SPAST: variants seen among roughly 807,000 people sequenced by gnomAD.
SPAST encodes spastin.
Under a neutral mutation model 76.6 loss-of-function variants are expected in SPAST, and 30 were observed. The observed-to-expected ratio is 0.39, with a 90% CI of 0.29 to 0.53. SPAST has a LOEUF of 0.53. Ranked by LOEUF, SPAST falls within the 20% of genes least tolerant of loss-of-function variation. The pLI, the probability that SPAST is intolerant of heterozygous loss-of-function variation, is 0.68. For synonymous variants in SPAST, 305 were observed against 281.0 expected (o/e 1.09, Z -0.86); for missense variants, 717 against 770.5 (o/e 0.93, Z 0.82).
chr2:32,093,443 C>G (rs1020932087), intron 3 of SPAST, among the ~76,000 whole-genome samples: 37 of 152,098 alleles, frequency 2.4e-4, no homozygotes, highest in African/African-American at 8.5e-4. Flanking sequence ...GACCACACCA[C>G]TGCACTCTAG....
At chr2:32,123,300 A>G (rs1679080006) in intron 7 of SPAST, among the ~76,000 whole-genome samples, 1 of 152,154 alleles carries the variant, frequency 6.6e-6, no homozygotes, top group South Asian at 2.1e-4. Flanking sequence ...TAACACTAAT[A>G]AAATGAAATA....
intron 16 of SPAST, among the ~76,000 whole-genome samples, chr2:32,150,326 G>A (rs1246915512): frequency 6.8e-6 from 1 of 147,556 alleles, no homozygotes; most frequent in East Asian, 2.0e-4. Context: ...TCCTGACCTT[G>A]GGATCCGCCC....
chr2:32,083,677 T>A lies in SPAST; in HGVS notation c.416-3815T>A, dbSNP rs975941749. Among the ~76,000 whole-genome samples the A allele has an allele frequency of 8.4e-4, 113 of 134,446 alleles. 2 individuals are homozygous for A. The highest frequency in any genetic ancestry group is 3.0e-3 in the African/African-American group (111 of 36,640). The allele number at this position is 134,446 out of a possible 152,430, so 88.2% of individuals were successfully genotyped here. A position where few individuals can be genotyped will look rare whatever the true frequency, so the allele number is the denominator to read the frequency against. On this transcript the variant is annotated intron_variant, in intron 1 of 16. Transcript: ENST00000315285. ...CTACTATATATATATATATATATAT[T>A]TTTATGCTATATATAGAGTATATAT... is the stretch of plus-strand genomic sequence containing the variant.
intron 7 of SPAST, among the ~76,000 whole-genome samples, chr2:32,122,343 A>G (rs926874805): frequency 6.6e-6 from 1 of 151,994 alleles, no homozygotes; most frequent in African/African-American, 2.4e-5. Flanking sequence ...TTGTTTTGAG[A>G]CAGAGTCTCA....
chr2:32,139,951 A>C (rs1679663331), intron 12 of SPAST, among the ~76,000 whole-genome samples: 1 of 152,142 alleles, frequency 6.6e-6, no homozygotes, highest in South Asian at 2.1e-4. Flanking sequence ...AATAAATCAG[A>C]GGTGACACAA....
chr2:32,066,993 CCAAAAA>C (rs1558608360), intron 1 of SPAST, among the ~76,000 whole-genome samples: 5 of 41,674 alleles, frequency 1.2e-4, no homozygotes, highest in East Asian at 4.4e-3. Flanking sequence ...AAAAAAAAAA[CCAAAAA>C]AAAAAAAACT....
intron 1 of SPAST, among the ~76,000 whole-genome samples, chr2:32,078,211 C>T (rs376603398): frequency 1.2e-4 from 18 of 152,180 alleles, no homozygotes; most frequent in East Asian, 5.8e-4. Context: ...GGGATGGTCT[C>T]GATCTCCTGA....
At chr2:32,114,426 A>G (rs1678742023) in intron 4 of SPAST, among the ~76,000 whole-genome samples, 1 of 152,082 alleles carries the variant, frequency 6.6e-6, no homozygotes, top group Non-Finnish European at 1.5e-5. Context: ...AATTAGAATT[A>G]TACGTTAGGG....
At chr2:32,146,393 T>A (rs931190430) in intron 15 of SPAST, among the ~76,000 whole-genome samples, 5 of 151,392 alleles carry the variant, frequency 3.3e-5, no homozygotes, top group Non-Finnish European at 1.5e-5. Flanking sequence ...ATCCTGTCTC[T>A]ACAAAAAAAT....
chr2:32,080,783 CTTTTTTTTTT>C (rs1162817708), intron 1 of SPAST, among the ~76,000 whole-genome samples: 16 of 48,446 alleles, frequency 3.3e-4, no homozygotes, highest in African/African-American at 7.3e-4. Flanking sequence ...TGGCTCAGTT[CTTTTTTTTTT>C]TTTTTTTTTT....
rs570015975 is a variant in SPAST at position 32,118,868 on chromosome 2, T to C, written c.1098+2656T>C. Among the ~76,000 whole-genome samples the C allele has an allele frequency of 6.4e-4, 97 of 152,332 alleles. 2 individuals are homozygous for C. The South Asian group carries it at 0.02, about 31-fold the overall frequency. On this transcript the variant is annotated intron_variant, in intron 7 of 16. Coordinates refer to ENST00000315285, the MANE Select transcript of SPAST (RefSeq NM_014946.4). ...TATTTAGGCTATGCAAGAAAAGTCA[T>C]TCAGCTTTTGCTTTACCCAGGCCTA...
rs1680200524 is a variant in SPAST, at chr2:32,154,773, T to C, written c.*277T>C. The C allele has an allele frequency of 2.5e-6, 1 of 405,814 alleles. No homozygotes were observed. The highest frequency in any genetic ancestry group is 4.1e-5 in the Admixed American group (1 of 24,478). 25.1% of individuals were successfully genotyped at this position (405,814 alleles called of 1,614,324 possible). ...CAACAAAACCTGATTCTGGTCTTCTTTACCAATATAATCATAATGTAAATA... is the reference window on the plus strand; with the variant it reads ...CAACAAAACCTGATTCTGGTCTTCTCTACCAATATAATCATAATGTAAATA... On this transcript the variant is annotated 3_prime_UTR_variant, in exon 17 of 17. Coordinates refer to ENST00000315285, the MANE Select transcript of SPAST (RefSeq NM_014946.4).
intron 3 of SPAST, among the ~76,000 whole-genome samples, chr2:32,096,381 G>A (rs985370336): frequency 1.3e-5 from 2 of 152,232 alleles, no homozygotes; most frequent in Non-Finnish European, 2.9e-5. Flanking sequence ...GTTGCAATGA[G>A]CTGAGGTCGC....
At chr2:32,104,444 C>G (rs865878783) in intron 4 of SPAST, among the ~76,000 whole-genome samples, 2 of 152,164 alleles carry the variant, frequency 1.3e-5, no homozygotes, top group South Asian at 4.1e-4. Flanking sequence ...GCATTTAGCC[C>G]ATTTCCATTT....
chr2:32,115,008 G>A (rs1442694453), intron 5 of SPAST, among the ~76,000 whole-genome samples, 183 bp downstream of exon 5: 1 of 148,022 alleles, frequency 6.8e-6, no homozygotes, highest in African/African-American at 2.5e-5. Context: ...GAGTGCAATG[G>A]CGCGATCTCG....
chr2:32,147,620 T>G (rs983478365), intron 16 of SPAST, among the ~76,000 whole-genome samples: 1 of 117,622 alleles, frequency 8.5e-6, no homozygotes, highest in Admixed American at 8.3e-5. Flanking sequence ...TCTGGCTGTT[T>G]TGTTTGTTTG....
rs529288902 is a variant in SPAST at position 32,109,834 on chromosome 2, G to C, written c.683-4804G>C. ...CACACATACATATATAGTTACATAT[G>C]TATATGCATATACATATATAGTTAC... On this transcript the variant is annotated intron_variant, in intron 4 of 16. Transcript: ENST00000315285. Among the ~76,000 whole-genome samples the C allele has an allele frequency of 8.8e-5, 10 of 114,028 alleles. No homozygotes were observed. In the South Asian group the frequency reaches 9.8e-4, roughly 11 times the overall value. The allele number at this position is 114,028 out of a possible 152,430, so 74.8% of individuals were successfully genotyped here.
chr2:32,084,717 C>G (rs1677400547), intron 1 of SPAST, among the ~76,000 whole-genome samples: 1 of 151,164 alleles, frequency 6.6e-6, no homozygotes, highest in East Asian at 2.0e-4. Context: ...GAAACCCCGT[C>G]TCTACTAAAA....
At chr2:32,111,325 GTATAGCGTATA>G (rs1678588989) in intron 4 of SPAST, among the ~76,000 whole-genome samples, 1 of 143,444 alleles carries the variant, frequency 7.0e-6, no homozygotes, top group Non-Finnish European at 1.5e-5. Flanking sequence ...TGTATAGTGT[GTATAGCGTATA>G]TATACAGTAT....
Sources: gnomAD v4.1 joint callset for allele counts (sites outside exome capture counted in the v4.1 genomes callset) on GRCh38, gnomAD v4.1.1 for gene constraint, MANE v1.5 for transcripts, NCBI Gene and HGNC (gene_info 2026-07-23, HGNC 2026-07-21) for gene names.